Variants in BORCS5 observed in about 807,000 individuals in gnomAD.
The protein encoded by BORCS5 is BLOC-1 related complex subunit 5, also known as BLOC-1-related complex subunit 5.
A neutral mutation model predicts 22.1 loss-of-function variants in BORCS5; 17 were observed. The observed-to-expected ratio is 0.77, with a 90% confidence interval of 0.53 to 1.15. BORCS5 has a LOEUF of 1.15. Among genes scored for constraint, BORCS5 ranks in the 50% most tolerant of loss-of-function variants. The pLI is 0.00. For synonymous variants in BORCS5, 117 were observed against 99.8 expected (o/e 1.17, Z -1.03); for missense variants, 247 against 253.2 (o/e 0.98, Z 0.17).
At chr12:12,409,476 G>GCA (rs1941669176) in intron 2 of BORCS5, among the ~76,000 whole-genome samples, 1 of 151,974 alleles carries the variant, frequency 6.6e-6, no homozygotes, top group African/African-American at 2.4e-5. Context: ...GAGAACATAT[G>GCA]GTGTTTGGTT....
chr12:12,386,040 G>A (rs544524104), intron 2 of BORCS5, among the ~76,000 whole-genome samples: 6 of 148,900 alleles, frequency 4.0e-5, no homozygotes, highest in Middle Eastern at 3.5e-3. Flanking sequence ...TCACTCTGTC[G>A]CCCAGGTTGG....
chr12:12,392,780 T>C (rs1298152993), intron 2 of BORCS5, among the ~76,000 whole-genome samples: 1 of 152,140 alleles, frequency 6.6e-6, no homozygotes, highest in Non-Finnish European at 1.5e-5. Context: ...CTCCCAATAA[T>C]TTCTGTCCAC....
chr12:12,412,407 T>A (rs1009908867), intron 2 of BORCS5, among the ~76,000 whole-genome samples: 7 of 152,194 alleles, frequency 4.6e-5, no homozygotes, highest in Non-Finnish European at 1.0e-4. Context: ...TTTTCTTAAT[T>A]TCCTTTTTGG....
In BORCS5 at chr12:12,361,163, A is replaced by T. The variant is rs1320922033; in HGVS notation, c.59-43A>T. ...CAAAAACTGCTTTGGTGAGGCAGAG[A>T]TGCCTAATATGCATCTCCTAAGCAG... On this transcript the variant is annotated intron_variant, in intron 1 of 3. Coordinates refer to ENST00000314565, the MANE Select transcript of BORCS5 (RefSeq NM_058169.6). 3.2e-6 allele frequency: 5 copies of T among 1,583,456 alleles called. No homozygotes were observed. The African/African-American group carries it at 6.7e-5, about 21-fold the overall frequency.
At chr12:12,408,867 T>A (rs1428883000) in intron 2 of BORCS5, among the ~76,000 whole-genome samples, 1 of 152,236 alleles carries the variant, frequency 6.6e-6, no homozygotes, top group Non-Finnish European at 1.5e-5. Context: ...GTTTCCATGT[T>A]TTGGCTATTG....
chr12:12,448,077 C>T (rs975435927), intron 3 of BORCS5, among the ~76,000 whole-genome samples: 1 of 152,168 alleles, frequency 6.6e-6, no homozygotes, highest in South Asian at 2.1e-4. Flanking sequence ...GATTCAGAGA[C>T]CTGAATGTGT....
Position 12,369,712 on chromosome 12 carries a change from C to CTTTTTTTTTTT in BORCS5, c.202+8383_202+8393dup, listed in dbSNP as rs71061052. ...GTGTGGTTTCATTCACCCCCCACTT[C>CTTTTTTTTTTT]TTTTTTTTTTTTTTTTTTTTTTTTT... On this transcript the variant is annotated intron_variant, in intron 2 of 3. Transcript: ENST00000314565. Among the ~76,000 whole-genome samples, 109 of 42,942 alleles carry CTTTTTTTTTTT rather than the reference C, an allele frequency of 2.5e-3. 21 individuals carry two copies. The highest frequency in any genetic ancestry group is 8.6e-3 in the African/African-American group (87 of 10,164). The allele number at this position is 42,942 out of a possible 152,430, so 28.2% of individuals were successfully genotyped here. A position where few individuals can be genotyped will look rare whatever the true frequency, so the allele number is the denominator to read the frequency against.
At position 12,377,212 on chromosome 12, in the gene BORCS5, C is replaced by G. The variant is rs80337611; in HGVS notation, c.202+15863C>G. On this transcript the variant is annotated intron_variant, in intron 2 of 3. Coordinates refer to ENST00000314565, the MANE Select transcript of BORCS5 (RefSeq NM_058169.6). ...TTTTTTCTCGAGACGGAGTCTTGCT[C>G]TGTTGCCCAGGCTGGAGTGCAGTGG... is the stretch of plus-strand genomic sequence containing the variant. 9.5e-3 allele frequency among the ~76,000 whole-genome samples: 1,392 copies of G among 146,354 alleles called. 75 individuals are homozygous for G. In the East Asian group the frequency reaches 0.16, roughly 17 times the overall value.
rs139478354 is a variant in BORCS5, at chr12:12,429,967, A to G, written c.203-5661A>G. On this transcript the variant is annotated intron_variant, in intron 2 of 3. Transcript: ENST00000314565. ...ATCCTGGGAAGCCTTTTTCCTCCTAATATCTTCCTAGACTTATGCTTTCCT... is the reference window on the plus strand; with the variant it reads ...ATCCTGGGAAGCCTTTTTCCTCCTAGTATCTTCCTAGACTTATGCTTTCCT... Among the ~76,000 whole-genome samples the G allele has an allele frequency of 2.6e-5, 4 of 152,116 alleles. No homozygotes were observed. In the East Asian group the frequency reaches 7.7e-4, roughly 29 times the overall value.
chr12:12,422,674 C>G (rs1001946744), intron 2 of BORCS5, among the ~76,000 whole-genome samples: 1 of 151,962 alleles, frequency 6.6e-6, no homozygotes, highest in Non-Finnish European at 1.5e-5. Context: ...ACTTTCATAA[C>G]ATAGAAAAAC....
At chr12:12,362,996 TCTA>T (rs1189563646) in intron 2 of BORCS5, among the ~76,000 whole-genome samples, 1 of 151,948 alleles carries the variant, frequency 6.6e-6, no homozygotes, top group Non-Finnish European at 1.5e-5. Context: ...AATGTGATTC[TCTA>T]AAGAAGTTAA....
chr12:12,378,307 G>A (rs1337459028), intron 2 of BORCS5, among the ~76,000 whole-genome samples: 1 of 152,232 alleles, frequency 6.6e-6, no homozygotes, highest in Non-Finnish European at 1.5e-5. Flanking sequence ...GGGAGGCAGA[G>A]GTTGCAGTGA....
chr12:12,418,054 C>G (rs1422761610), intron 2 of BORCS5, among the ~76,000 whole-genome samples: 1 of 150,696 alleles, frequency 6.6e-6, no homozygotes, highest in Non-Finnish European at 1.5e-5. Flanking sequence ...GACGGAGCCT[C>G]ACTCTGTCGC....
At chr12:12,404,988 A>G (rs574782760) in intron 2 of BORCS5, among the ~76,000 whole-genome samples, 1 of 152,300 alleles carries the variant, frequency 6.6e-6, no homozygotes, top group African/African-American at 2.4e-5. Context: ...GGCATGAGCC[A>G]CCGCGCCCGG....
chr12:12,360,130 G>C (rs947001651), intron 1 of BORCS5, among the ~76,000 whole-genome samples: 10 of 152,110 alleles, frequency 6.6e-5, no homozygotes, highest in African/African-American at 2.4e-4. Flanking sequence ...TTGGGAGGCC[G>C]AGGTGGGTGG....
chr12:12,364,822 C>T (rs1322897417), intron 2 of BORCS5, among the ~76,000 whole-genome samples: 3 of 152,084 alleles, frequency 2.0e-5, no homozygotes, highest in Admixed American at 2.0e-4. Flanking sequence ...CAAAACTTAG[C>T]CGGGCATGGT....
chr12:12,426,767 T>G (rs1344071490), intron 2 of BORCS5, among the ~76,000 whole-genome samples: 4 of 152,244 alleles, frequency 2.6e-5, no homozygotes, highest in Non-Finnish European at 4.4e-5. Context: ...AGATGTAAGA[T>G]AAATTGTCCA....
intron 3 of BORCS5, among the ~76,000 whole-genome samples, chr12:12,464,232 C>A (rs900345946): frequency 6.6e-6 from 1 of 151,712 alleles, no homozygotes; most frequent in South Asian, 2.1e-4. Context: ...TCCTTCTCCC[C>A]GTGCCCAACT....
At chr12:12,372,321 A>G (rs1296128900) in intron 2 of BORCS5, among the ~76,000 whole-genome samples, 7 of 151,550 alleles carry the variant, frequency 4.6e-5, no homozygotes, top group African/African-American at 1.7e-4. Context: ...AGTAGAGTGC[A>G]TTTCTTTTAA....
Sources: allele counts gnomAD v4.1 joint callset (sites outside exome capture counted in the v4.1 genomes callset), GRCh38; gene constraint gnomAD v4.1.1; transcripts MANE v1.5; gene names NCBI Gene and HGNC (gene_info 2026-07-23, HGNC 2026-07-21).